Variants in ADGRV1 observed in about 807,000 individuals in gnomAD.
ADGRV1 encodes the protein G-protein coupled receptor 98.
ADGRV1 carries 359 observed loss-of-function variants against 596.2 expected under a neutral mutation model. The ratio of observed to expected loss-of-function variants is 0.60; its 90% CI spans 0.55 to 0.66. The LOEUF (loss-of-function observed/expected upper bound fraction) is 0.66. Among genes scored for constraint, ADGRV1 ranks in the 30% least tolerant of loss-of-function variants. The pLI is 0.00. For synonymous variants in ADGRV1, 2,681 were observed against 2,679.2 expected (o/e 1.00, Z -0.02); for missense variants, 7,274 against 7,575.6 (o/e 0.96, Z 1.48).
chr5:90,766,262 C>T (rs925315868), intron 59 of ADGRV1, among the ~76,000 whole-genome samples: 1 of 151,894 alleles, frequency 6.6e-6, no homozygotes, highest in African/African-American at 2.4e-5. Context: ...TCAAAACTAC[C>T]CCTCTCTCAC....
Position 90,769,024 on chromosome 5 carries a change from G to A in ADGRV1, c.12286-5162G>A, listed in dbSNP as rs140475166. Among the ~76,000 whole-genome samples the A allele has an allele frequency of 1.3e-3, 198 of 152,274 alleles. 1 individual carries two copies. Among genetic ancestry groups the A allele is most frequent in the Admixed American group, 7.1e-3 (109 of 15,296 alleles). ...ATGATGGTGAGTTTTATAATCTTGTGTTGAGCAGTCATTGTGTATGGACCA... is the reference window on the plus strand; with the variant it reads ...ATGATGGTGAGTTTTATAATCTTGTATTGAGCAGTCATTGTGTATGGACCA... On this transcript the variant is annotated intron_variant, in intron 59 of 89. Transcript: ENST00000405460.
At chr5:91,038,659 G>T (rs1395059603) in intron 85 of ADGRV1, among the ~76,000 whole-genome samples, 2 of 152,116 alleles carry the variant, frequency 1.3e-5, no homozygotes, top group Non-Finnish European at 2.9e-5. Context: ...GCCTCTTGGG[G>T]ATTTATCTCA....
Position 90,756,498 on chromosome 5 carries a change from T to C in ADGRV1, c.11625T>C (p.Thr3875=). 1 of 1,602,634 alleles carries C rather than the reference T, an allele frequency of 6.2e-7. No individual in the cohort carries two copies. Among genetic ancestry groups the C allele is most frequent in the Non-Finnish European group, 8.5e-7 (1 of 1,174,160 alleles). Residue 3875 remains threonine (T), a synonymous_variant, in exon 56 of 90, where the codon ACT becomes ACC. Coordinates refer to ENST00000405460, the MANE Select transcript of ADGRV1 (RefSeq NM_032119.4). The part of the protein sequence containing the change: ...ELEEGFIVTI[T]EVNLVNSDFS... Reference sequence around the variant, plus strand: ...AGGAAGGATTTATTGTCACTATCACTGAGGTGAACCTGGTGAACTCTGACT... The same window carrying C: ...AGGAAGGATTTATTGTCACTATCACCGAGGTGAACCTGGTGAACTCTGACT...
intron 83 of ADGRV1, among the ~76,000 whole-genome samples, chr5:90,920,015 A>T (rs10474337): frequency 0.011 from 1,528 of 143,278 alleles, 29 homozygotes; most frequent in African/African-American, 0.038. Context: ...AAAAAAAAAA[A>T]GAAAAATATT....
chr5:91,042,539 T>C (rs1330933840), intron 85 of ADGRV1, among the ~76,000 whole-genome samples: 1 of 148,160 alleles, frequency 6.7e-6, no homozygotes, highest in Non-Finnish European at 1.5e-5. Context: ...AGTCTCTCTC[T>C]TTTTTTTTTA....
At chr5:90,682,661 T>C (rs1248344719) in intron 27 of ADGRV1, among the ~76,000 whole-genome samples, 50 of 152,276 alleles carry the variant, frequency 3.3e-4, no homozygotes, top group Admixed American at 3.3e-3. Flanking sequence ...TTCAACACCT[T>C]AGAAAGGATA....
At position 90,803,482 on chromosome 5, in the gene ADGRV1, A is replaced by G. The variant is rs116477962; in HGVS notation, c.14661+600A>G. Among the ~76,000 whole-genome samples, 472 of 152,282 alleles carry G rather than the reference A, an allele frequency of 3.1e-3. 4 individuals are homozygous for G. Among genetic ancestry groups the G allele is most frequent in the African/African-American group, 0.011 (450 of 41,546 alleles). ...TGGTAACGTGTGTATGTTTGAAGCC[A>G]TTGTGTGATATAATTCTATCCTACT... On this transcript the variant is annotated intron_variant, in intron 71 of 89. Transcript: ENST00000405460.
intron 85 of ADGRV1, among the ~76,000 whole-genome samples, chr5:91,067,578 G>A (rs530666810): frequency 1.6e-4 from 24 of 152,312 alleles, no homozygotes; most frequent in African/African-American, 5.5e-4. Flanking sequence ...AAAATGATGT[G>A]TCATCAGCTG....
chr5:91,067,685 T>C (rs1196188828), intron 85 of ADGRV1, among the ~76,000 whole-genome samples: 1 of 152,234 alleles, frequency 6.6e-6, no homozygotes, highest in African/African-American at 2.4e-5. Context: ...TTCCCTATTT[T>C]GCTGTCCCAA....
At chr5:90,750,869 G>A (rs1250659003) in intron 53 of ADGRV1, among the ~76,000 whole-genome samples, 172 bp downstream of exon 53, 1 of 152,076 alleles carries the variant, frequency 6.6e-6, no homozygotes, top group Non-Finnish European at 1.5e-5. Flanking sequence ...CTGGTTGTGG[G>A]TATTGTTCTT....
At chr5:90,717,591 G>T (rs566032820) in intron 43 of ADGRV1, 1 of 152,194 alleles carries the variant, frequency 6.6e-6, no homozygotes, top group Non-Finnish European at 1.5e-5. Flanking sequence ...TGCCTTCCGG[G>T]TTCATGCCAT....
At chr5:90,680,601 C>G (rs1744812142) in intron 26 of ADGRV1, among the ~76,000 whole-genome samples, 1 of 151,990 alleles carries the variant, frequency 6.6e-6, no homozygotes, top group Admixed American at 6.6e-5. Flanking sequence ...TTCACAATGT[C>G]AGATTTTATA....
chr5:90,673,372 A>G (rs974922631), intron 22 of ADGRV1, among the ~76,000 whole-genome samples: 1 of 152,184 alleles, frequency 6.6e-6, no homozygotes, highest in Non-Finnish European at 1.5e-5. Context: ...GGTACAAAAA[A>G]TATATGATAT....
chr5:90,765,470 C>CACACACACACACAG (rs546930616), intron 59 of ADGRV1, among the ~76,000 whole-genome samples: 89 of 149,454 alleles, frequency 6.0e-4, no homozygotes, highest in African/African-American at 2.2e-3. Flanking sequence ...CACACACACA[C>CACACACACACACAG]AAACTCTAGA....
chr5:90,791,251 A>G lies in ADGRV1; in HGVS notation c.14422A>G (p.Lys4808Glu). Residue 4808 changes from lysine to glutamate, a missense_variant, in exon 70 of 90, where the codon AAA becomes GAA. Physicochemically the swap from Lys to Glu is moderately conservative, Grantham distance 56 (BLOSUM62 1). Transcript: ENST00000405460. ...AVGLRISSDH[K>E]EQPIVTENAE... ...TGGGCTTCGAATATCATCGGATCAT[A>G]AAGAACAGCCGATTGTTACCGAAAA... 6.2e-7 allele frequency: 1 copy of G among 1,612,228 alleles called. No individual in the cohort carries two copies. The highest frequency in any genetic ancestry group is 8.5e-7 in the Non-Finnish European group (1 of 1,179,154).
chr5:90,777,074 T>C (rs907501368), intron 61 of ADGRV1, among the ~76,000 whole-genome samples: 1 of 152,094 alleles, frequency 6.6e-6, no homozygotes, highest in African/African-American at 2.4e-5. Flanking sequence ...AGAGGTTTAA[T>C]TGGTTCAAGG....
intron 76 of ADGRV1, 78 bp from the exon 77 acceptor site, chr5:90,828,866 A>G (rs1315633005): frequency 4.7e-6 from 4 of 847,324 alleles, no homozygotes; most frequent in South Asian, 6.9e-5. Context: ...GAATTATACA[A>G]TATTTAAATA....
intron 86 of ADGRV1, among the ~76,000 whole-genome samples, chr5:91,087,475 T>C (rs1448280014): frequency 6.6e-6 from 1 of 151,838 alleles, no homozygotes; most frequent in African/African-American, 2.4e-5. Context: ...TTTTTTTTTT[T>C]TTTTATGGTA....
intron 65 of ADGRV1, among the ~76,000 whole-genome samples, chr5:90,782,478 G>A (rs1467367282): frequency 1.3e-5 from 2 of 151,954 alleles, no homozygotes; most frequent in African/African-American, 4.8e-5. Flanking sequence ...TATACATTGA[G>A]TATTATTTAG....
Sources: allele counts gnomAD v4.1 joint callset (sites outside exome capture counted in the v4.1 genomes callset), GRCh38; gene constraint gnomAD v4.1.1; transcripts MANE v1.5; gene names NCBI Gene and HGNC (gene_info 2026-07-23, HGNC 2026-07-21).